The following CDH13 variants were observed in gnomAD, a reference collection of about 807,000 sequenced individuals.
CDH13 encodes the protein cadherin-13.
In CDH13, 24 loss-of-function variants were observed where a neutral mutation model predicts 63.8. The ratio of observed to expected loss-of-function variants is 0.38; its 90% CI spans 0.27 to 0.53. The LOEUF is 0.53. Ranked by LOEUF, CDH13 falls within the 20% of genes least tolerant of loss-of-function variation. The probability of loss-of-function intolerance (pLI) is 0.85; values close to 1 mark genes in which losing one functional copy is unlikely to be tolerated. For synonymous variants in CDH13, 503 were observed against 355.3 expected, an observed-to-expected ratio of 1.42 and a Z score of -4.67; for missense variants, 1,049 against 903.1, an observed-to-expected ratio of 1.16 and a Z score of -2.07.
At chr16:83,334,537 A>AG (rs1390440953) in intron 5 of CDH13, among the ~76,000 whole-genome samples, 2 of 14,454 alleles carry the variant, frequency 1.4e-4, no homozygotes, top group African/African-American at 2.2e-4. Context: ...ACTCCTGGCT[A>AG]GTTTAAAAAA....
chr16:82,937,198 T>TC (rs1216371034), intron 2 of CDH13, among the ~76,000 whole-genome samples: 2 of 152,214 alleles, frequency 1.3e-5, no homozygotes, highest in Admixed American at 6.5e-5. Context: ...TTCTTTTTTT[T>TC]CTGATGCAGC....
intron 2 of CDH13, among the ~76,000 whole-genome samples, chr16:83,020,888 C>T (rs1283469865): frequency 6.6e-6 from 1 of 152,244 alleles, no homozygotes. Context: ...CACTTTGTCA[C>T]ATGTCCCTAG....
intron 6 of CDH13, among the ~76,000 whole-genome samples, chr16:83,366,650 C>G (rs551759398): frequency 2.6e-5 from 4 of 152,302 alleles, no homozygotes; most frequent in Admixed American, 6.5e-5. Flanking sequence ...TCCAGATAGT[C>G]TCCTGACACC....
chr16:83,392,653 C>T (rs1352152961), intron 6 of CDH13, among the ~76,000 whole-genome samples: 1 of 152,328 alleles, frequency 6.6e-6, no homozygotes, highest in Admixed American at 6.5e-5. Context: ...CACGTCTTCC[C>T]AAGACCAAGC....
intron 6 of CDH13, among the ~76,000 whole-genome samples, chr16:83,432,060 C>G (rs1490599229): frequency 6.6e-6 from 1 of 152,152 alleles, no homozygotes; most frequent in Non-Finnish European, 1.5e-5. Flanking sequence ...TAGAAGGCTT[C>G]TGCAATTACC....
At chr16:83,164,447 G>A (rs1197388062) in intron 4 of CDH13, among the ~76,000 whole-genome samples, 1 of 152,036 alleles carries the variant, frequency 6.6e-6, no homozygotes, top group Non-Finnish European at 1.5e-5. Context: ...GTCTAAGCAG[G>A]TGATTTTGAT....
At chr16:83,037,289 C>T (rs1395428927) in intron 3 of CDH13, among the ~76,000 whole-genome samples, 2 of 152,134 alleles carry the variant, frequency 1.3e-5, no homozygotes, top group African/African-American at 4.8e-5. Context: ...ATATGGGAAC[C>T]TTGCCAAGAG....
chr16:82,667,625 C>G (rs184363643), intron 1 of CDH13, among the ~76,000 whole-genome samples: 34 of 152,266 alleles, frequency 2.2e-4, no homozygotes, highest in African/African-American at 6.7e-4. Flanking sequence ...TTGCCCCTAT[C>G]TGAAGTTGGA....
intron 10 of CDH13, chr16:83,728,954 C>A: frequency 6.5e-6 from 1 of 153,466 alleles, no homozygotes; most frequent in South Asian, 1.8e-4. Context: ...AGACAGCCAC[C>A]TTCTTGCTGT....
At chr16:83,329,351 G>C (rs2090433935) in intron 5 of CDH13, among the ~76,000 whole-genome samples, 2 of 151,784 alleles carry the variant, frequency 1.3e-5, no homozygotes, top group Non-Finnish European at 2.9e-5. Flanking sequence ...TCAGCCTCCT[G>C]AGTAGCTGTG....
At chr16:83,516,194 C>T (rs1444481921) in intron 7 of CDH13, among the ~76,000 whole-genome samples, 3 of 152,132 alleles carry the variant, frequency 2.0e-5, no homozygotes, top group African/African-American at 7.2e-5. Context: ...TTCCTGTAAG[C>T]GTTTTACACT....
chr16:83,047,814 T>C lies in CDH13; in HGVS notation c.366+15596T>C, dbSNP rs2151498729. Among the ~76,000 whole-genome samples the C allele has an allele frequency of 6.6e-6, 1 of 152,364 alleles. No homozygotes were observed. The highest frequency in any genetic ancestry group is 2.1e-4 in the South Asian group (1 of 4,832). On this transcript the variant is annotated intron_variant, in intron 3 of 13. Coordinates refer to ENST00000567109, the MANE Select transcript of CDH13 (RefSeq NM_001257.5). This position sits in a 1 kb window ranked among gnomAD's most constrained non-coding sequence, Gnocchi z 4.9. ...CGGGGCACCACTTTAAGTGCATTTC[T>C]TACATTAAGTCATATAATCTTTATA... is the stretch of plus-strand genomic sequence containing the variant.
intron 1 of CDH13, among the ~76,000 whole-genome samples, chr16:82,638,100 T>A (rs898984179): frequency 2.9e-4 from 44 of 152,258 alleles, no homozygotes; most frequent in Non-Finnish European, 1.2e-4. Flanking sequence ...TCCTTTCATC[T>A]GCCTTGCCTC....
Position 83,106,084 on chromosome 16 carries a change from G to A in CDH13, c.367-19301G>A, listed in dbSNP as rs188085837. Among the ~76,000 whole-genome samples, 135 of 152,244 alleles carry A rather than the reference G, an allele frequency of 8.9e-4. 1 individual carries two copies. The highest frequency in any genetic ancestry group is 6.2e-3 in the South Asian group (30 of 4,818). On this transcript the variant is annotated intron_variant, in intron 3 of 13. Transcript: ENST00000567109. ...TGGGTTATTTGTCAATATGTTACAG[G>A]ACTTTTAAAATGTTCATAACCTTTG...
intron 7 of CDH13, among the ~76,000 whole-genome samples, chr16:83,571,773 G>A (rs774824028): frequency 5.3e-5 from 8 of 151,934 alleles, no homozygotes; most frequent in Non-Finnish European, 8.8e-5. Context: ...TTTTCTTTTC[G>A]CTCATATCCT....
intron 1 of CDH13, among the ~76,000 whole-genome samples, chr16:82,812,811 TTTCC>T (rs1434787437): frequency 2.0e-5 from 3 of 152,092 alleles, no homozygotes; most frequent in South Asian, 2.1e-4. Flanking sequence ...TTCCTTCCTT[TTTCC>T]TTCCTTCCTT....
At chr16:83,304,133 A>G (rs1182342301) in intron 5 of CDH13, among the ~76,000 whole-genome samples, 2 of 152,192 alleles carry the variant, frequency 1.3e-5, no homozygotes, top group African/African-American at 4.8e-5. Flanking sequence ...AACTAGTAAT[A>G]GGAGATAAGG....
In CDH13 at chr16:83,500,233, C is replaced by CCTT. The variant is rs1433272462; in HGVS notation, c.960+13638_960+13640dup. Among the ~76,000 whole-genome samples, 21 of 19,048 alleles carry CCTT rather than the reference C, an allele frequency of 1.1e-3. 3 individuals carry two copies. The highest frequency in any genetic ancestry group is 3.7e-3 in the African/African-American group (21 of 5,678). 12.5% of individuals were successfully genotyped at this position (19,048 alleles called of 152,430 possible). ...ATTCAGACACTAGTTTCTTTCTTCT[C>CCTT]CTTCTTCTTCTTCTTCTTCTTCTTC... On this transcript the variant is annotated intron_variant, in intron 7 of 13. Coordinates refer to ENST00000567109, the MANE Select transcript of CDH13 (RefSeq NM_001257.5).
At chr16:83,529,404 G>T (rs991430792) in intron 7 of CDH13, among the ~76,000 whole-genome samples, 1 of 152,054 alleles carries the variant, frequency 6.6e-6, no homozygotes, top group Non-Finnish European at 1.5e-5. Flanking sequence ...TTGAAGCATT[G>T]TTTTTTGTAG....
Sources: allele counts gnomAD v4.1 joint callset (sites outside exome capture counted in the v4.1 genomes callset), GRCh38; gene constraint gnomAD v4.1.1; non-coding constraint Gnocchi (gnomAD v3.1); transcripts MANE v1.5; gene names NCBI Gene and HGNC (gene_info 2026-07-23, HGNC 2026-07-21).